Variants in LANCL3 observed in about 807,000 individuals in gnomAD.
LANCL3 encodes LanC like family member 3.
In LANCL3, 19 loss-of-function variants were observed where a neutral mutation model predicts 26.5. That is an observed-to-expected ratio of 0.72 (90% CI 0.50 to 1.05). The LOEUF (loss-of-function observed/expected upper bound fraction) is 1.05, where lower values mean the gene tolerates loss of function less well. Among genes scored for constraint, LANCL3 ranks in the 50% least tolerant of loss-of-function variants. The pLI, the probability that LANCL3 is intolerant of heterozygous loss-of-function variation, is 0.00. For missense variants in LANCL3, 318 were observed against 362.7 expected, an observed-to-expected ratio of 0.88 and a Z score of 1.00; for synonymous variants, 160 against 166.6, an observed-to-expected ratio of 0.96 and a Z score of 0.30.
intron 1 of LANCL3, among the ~76,000 whole-genome samples, chrX:37,579,806 G>A (rs1569460888): frequency 9.0e-6 from 1 of 110,787 alleles, no homozygotes; most frequent in Non-Finnish European, 1.9e-5. Flanking sequence ...ACAATTGCTG[G>A]GTCAAAGTTT....
chrX:37,620,797 A>G, intron 1 of LANCL3, among the ~76,000 whole-genome samples: 1 of 112,102 alleles, frequency 8.9e-6, no homozygotes. Context: ...CAGACCAGAG[A>G]TAACAGCTGT....
intron 1 of LANCL3, among the ~76,000 whole-genome samples, chrX:37,633,394 G>T (rs897740439): frequency 4.5e-5 from 5 of 111,271 alleles, no homozygotes; most frequent in African/African-American, 6.6e-5. Context: ...GTAGCTCGGG[G>T]TAGTTTGATC....
At chrX:37,601,783 A>G (rs1015835498) in intron 1 of LANCL3, among the ~76,000 whole-genome samples, 1 of 112,024 alleles carries the variant, frequency 8.9e-6, no homozygotes, top group Admixed American at 9.5e-5. Flanking sequence ...TATCAGGGAA[A>G]CGAAAGCTAT....
chrX:37,675,915 A>G lies in LANCL3; in HGVS notation c.*102A>G. On this transcript the variant is annotated 3_prime_UTR_variant, in exon 5 of 5. Transcript: ENST00000378619. ...AATGGTATCGCAACCATGAGCCTTA[A>G]CATTGCCATCAGAAGGAAGGAATCA... 1.6e-6 allele frequency: 1 copy of G among 621,115 alleles called. No homozygotes were observed. Among genetic ancestry groups the G allele is most frequent in the South Asian group, 6.8e-5 (1 of 14,670 alleles). 51.2% of individuals were successfully genotyped at this position (621,115 alleles called of 1,213,427 possible). A position where few individuals can be genotyped will look rare whatever the true frequency, so the allele number is the denominator to read the frequency against.
intron 1 of LANCL3, among the ~76,000 whole-genome samples, chrX:37,588,919 C>T (rs1924188681): frequency 1.8e-5 from 2 of 111,460 alleles, no homozygotes; most frequent in Admixed American, 9.5e-5. Context: ...GAATGGATTC[C>T]CCGTGCTCAG....
chrX:37,615,253 G>A (rs1348431283), intron 1 of LANCL3, among the ~76,000 whole-genome samples: 1 of 111,983 alleles, frequency 8.9e-6, no homozygotes, highest in Non-Finnish European at 1.9e-5. Context: ...CTGGGATGGG[G>A]CCTAGGAGTC....
chrX:37,655,851 A>G, intron 2 of LANCL3, 40 bp downstream of exon 2: 1 of 1,157,807 alleles, frequency 8.6e-7, no homozygotes, highest in Non-Finnish European at 1.2e-6. Context: ...GGAAGGAGAA[A>G]GTCTCTAAGA....
intron 1 of LANCL3, among the ~76,000 whole-genome samples, chrX:37,637,219 G>C (rs1443199196): frequency 8.9e-6 from 1 of 111,998 alleles, no homozygotes; most frequent in African/African-American, 3.2e-5. Context: ...ACATGATCAT[G>C]AATGGCTAAC....
chrX:37,620,634 C>T (rs1358148534), intron 1 of LANCL3, among the ~76,000 whole-genome samples: 4 of 111,489 alleles, frequency 3.6e-5, no homozygotes, highest in Non-Finnish European at 5.7e-5. Flanking sequence ...TTTTCATTGC[C>T]GATGGCCCCA....
At chrX:37,578,895 G>T (rs1357194456) in intron 1 of LANCL3, among the ~76,000 whole-genome samples, 1 of 105,488 alleles carries the variant, frequency 9.5e-6, no homozygotes, top group Non-Finnish European at 1.9e-5. Flanking sequence ...TAGGAGAATC[G>T]CTTGAACCCG....
At chrX:37,594,353 A>G (rs1924367271) in intron 1 of LANCL3, among the ~76,000 whole-genome samples, 1 of 112,394 alleles carries the variant, frequency 8.9e-6, no homozygotes, top group Non-Finnish European at 1.9e-5. Context: ...GGATATTATT[A>G]CCACATTCAT....
intron 1 of LANCL3, among the ~76,000 whole-genome samples, chrX:37,578,895 G>A (rs1357194456): frequency 9.5e-6 from 1 of 105,517 alleles, no homozygotes; most frequent in African/African-American, 3.5e-5. Context: ...TAGGAGAATC[G>A]CTTGAACCCG....
intron 1 of LANCL3, among the ~76,000 whole-genome samples, chrX:37,582,935 T>A (rs1377013900): frequency 8.9e-6 from 1 of 111,868 alleles, no homozygotes; most frequent in African/African-American, 3.3e-5. Flanking sequence ...TCTTCTAGGG[T>A]TTTTATGGTT....
intron 1 of LANCL3, among the ~76,000 whole-genome samples, chrX:37,590,010 C>G (rs1383524298): frequency 8.9e-6 from 1 of 112,605 alleles, no homozygotes; most frequent in African/African-American, 3.2e-5. Context: ...ACTCTTTTCT[C>G]TTTTAAAAAC....
At chrX:37,620,140 G>A (rs1318924980) in intron 1 of LANCL3, among the ~76,000 whole-genome samples, 2 of 112,007 alleles carry the variant, frequency 1.8e-5, no homozygotes, top group Non-Finnish European at 3.8e-5. Flanking sequence ...GAAGCCCCCA[G>A]GAAGGAAGGT....
chrX:37,631,236 T>C (rs368428304), intron 1 of LANCL3, among the ~76,000 whole-genome samples: 78 of 111,909 alleles, frequency 7.0e-4, no homozygotes, highest in Non-Finnish European at 1.1e-3. Context: ...AGTTTATTTG[T>C]GTAGAGGTGT....
At chrX:37,654,723 G>A (rs958927674) in intron 1 of LANCL3, among the ~76,000 whole-genome samples, 54 of 111,815 alleles carry the variant, frequency 4.8e-4, no homozygotes, top group African/African-American at 1.4e-3. Flanking sequence ...CTCACTCATC[G>A]GTTGTGAAGG....
Position 37,667,342 on chromosome X carries a change from C to T in LANCL3, c.956C>T (p.Thr319Ile). The T allele has an allele frequency of 8.4e-7, 1 of 1,189,061 alleles. No individual in the cohort carries two copies. Among genetic ancestry groups the T allele is most frequent in the Non-Finnish European group, 1.1e-6 (1 of 886,464 alleles). ...TCCAAGAAACCGCAGTACCTGGACA[C>T]ATGTATTCGGTGTGGGGAACTCACA... ...LVSKKPQYLD[T>I]CIRCGELTWQ... Residue 319 changes from threonine to isoleucine, a missense_variant, in exon 4 of 5, where the codon ACA (threonine) becomes ATA (isoleucine). Transcript: ENST00000378619.
At chrX:37,613,064 T>C (rs782606196) in intron 1 of LANCL3, among the ~76,000 whole-genome samples, 35 of 111,210 alleles carry the variant, frequency 3.1e-4, no homozygotes, top group Non-Finnish European at 5.5e-4. Context: ...CCAGATACCC[T>C]GAACTTGATG....
Sources: allele counts gnomAD v4.1 joint callset (sites outside exome capture counted in the v4.1 genomes callset), GRCh38; gene constraint gnomAD v4.1.1; transcripts MANE v1.5; gene names NCBI Gene and HGNC (gene_info 2026-07-23, HGNC 2026-07-21).